The following EFS variants were observed in gnomAD, a reference collection of about 807,000 sequenced individuals.
EFS encodes Cas scaffolding protein family member 3.
A neutral mutation model predicts 42.2 loss-of-function variants in EFS; 34 were observed. The ratio of observed to expected loss-of-function variants is 0.81; its 90% CI spans 0.61 to 1.07. EFS has a LOEUF of 1.07. EFS is among the 50% of genes least tolerant of loss of function. The probability of loss-of-function intolerance (pLI) is 0.00; values close to 1 mark genes in which losing one functional copy is unlikely to be tolerated. For synonymous variants in EFS, 299 were observed against 320.7 expected, an observed-to-expected ratio of 0.93 and a Z score of 0.72; for missense variants, 717 against 729.4, an observed-to-expected ratio of 0.98 and a Z score of 0.20.
chr14:23,357,630 C>G lies in EFS; in HGVS notation c.1282G>C (p.Val428Leu). Residue 428 changes from valine (V) to leucine (L), a missense_variant, in exon 6 of 6, where the codon GTG (valine) becomes CTG (leucine). By Grantham distance (32) the Val-to-Leu change is conservative. Coordinates refer to ENST00000216733, the MANE Select transcript of EFS (RefSeq NM_005864.4). ...EALSPGEPLV[V>L]STGDLQLLYF... Reference sequence around the variant, plus strand: ...AGGAGCTGCAGATCTCCGGTGGACACAACCAGTGGCTCCCCTGGGGACAGG... The same window carrying G: ...AGGAGCTGCAGATCTCCGGTGGACAGAACCAGTGGCTCCCCTGGGGACAGG... 6.5e-7 allele frequency: 1 copy of G among 1,549,828 alleles called. No individual in the cohort carries two copies. Among genetic ancestry groups the G allele is most frequent in the South Asian group, 1.2e-5 (1 of 81,438 alleles).
chr14:23,364,948 G>A (rs964371032), intron 1 of EFS, 60 bp downstream of exon 1: 6 of 1,247,316 alleles, frequency 4.8e-6, no homozygotes, highest in African/African-American at 3.2e-5. Flanking sequence ...AAAGTGACAG[G>A]AGCGCAGGGC....
intron 1 of EFS, among the ~76,000 whole-genome samples, chr14:23,361,506 C>T (rs1890153243): frequency 6.6e-6 from 1 of 152,254 alleles, no homozygotes; most frequent in South Asian, 2.1e-4. Flanking sequence ...GCTGAGGTTA[C>T]CATGGAGAAA....
intron 1 of EFS, among the ~76,000 whole-genome samples, chr14:23,363,371 A>T (rs1595030221): frequency 2.0e-5 from 3 of 152,358 alleles, no homozygotes; most frequent in South Asian, 4.1e-4. Flanking sequence ...GAGATAACGC[A>T]TAAAGAAACT....
Position 23,360,838 on chromosome 14 carries a change from T to A in EFS, c.19-5A>T. Reference sequence around the variant, plus strand: ...CAGTGCCCGGGCCAGCTGGGTCTGGTTGGGGAGGTGGGAGTGGGGAGAAGG... The same window carrying A: ...CAGTGCCCGGGCCAGCTGGGTCTGGATGGGGAGGTGGGAGTGGGGAGAAGG... On this transcript the variant is annotated splice_polypyrimidine_tract_variant and splice_region_variant and intron_variant, in intron 1 of 5. Coordinates refer to ENST00000216733, the MANE Select transcript of EFS (RefSeq NM_005864.4). 1.2e-6 allele frequency: 2 copies of A among 1,606,800 alleles called. No individual in the cohort carries two copies. The highest frequency in any genetic ancestry group is 1.7e-5 in the Admixed American group (1 of 59,608).
At position 23,360,009 on chromosome 14, in the gene EFS, C is replaced by A; in HGVS notation, c.469G>T (p.Val157Leu). 3 of 1,605,744 alleles carry A rather than the reference C, an allele frequency of 1.9e-6. No homozygotes were observed. Among genetic ancestry groups the A allele is most frequent in the Non-Finnish European group, 2.5e-6 (3 of 1,176,582 alleles). Reference sequence around the variant, plus strand: ...CAGTCATAGGGGCCACTGGAGGGCACCCGGAGGGCGGTGGGGGGCACATCG... The same window carrying A: ...CAGTCATAGGGGCCACTGGAGGGCAACCGGAGGGCGGTGGGGGGCACATCG... ...VYDVPPTALR[V>L]PSSGPYDCPA... Residue 157 changes from valine to leucine, a missense_variant, in exon 4 of 6, where the codon GTG becomes TTG. By Grantham distance (32) the Val-to-Leu change is conservative. Transcript: ENST00000216733.
chr14:23,360,302 G>A (rs1351677769), intron 2 of EFS, 21 bp from the exon 3 acceptor site: 4 of 1,596,916 alleles, frequency 2.5e-6, no homozygotes, highest in Non-Finnish European at 2.6e-6. Flanking sequence ...AAATAGATGG[G>A]GGGTCAGGAG....
chr14:23,359,387 T>G lies in EFS; in HGVS notation c.1091A>C (p.Asp364Ala). ...GDPEGREMEDDPAGHHNEYEG... is the reference protein window; with the variant it reads ...GDPEGREMEDAPAGHHNEYEG... ...GTACTCATTGTGGTGTCCTGCTGGG[T>G]CATCCTCCATCTCCCTGCCCTCTGG... Residue 364 changes from aspartate (D) to alanine (A), a missense_variant, in exon 4 of 6, where the codon GAC becomes GCC. Transcript: ENST00000216733. 1 of 1,612,358 alleles carries G rather than the reference T, an allele frequency of 6.2e-7. No homozygotes were observed. The highest frequency in any genetic ancestry group is 8.5e-7 in the Non-Finnish European group (1 of 1,179,676).
In EFS at chr14:23,363,361, G is replaced by A. The variant is rs186218771; in HGVS notation, c.18+1647C>T. On this transcript the variant is annotated intron_variant, in intron 1 of 5. Transcript: ENST00000216733. Reference sequence around the variant, plus strand: ...CACAGGGTAGTTGTGAGAGTTGCATGAGATAACGCATAAAGAAACTATGAC... The same window carrying A: ...CACAGGGTAGTTGTGAGAGTTGCATAAGATAACGCATAAAGAAACTATGAC... Among the ~76,000 whole-genome samples the A allele has an allele frequency of 9.2e-5, 14 of 152,318 alleles. No individual in the cohort carries two copies. The East Asian group carries it at 9.6e-4, about 10-fold the overall frequency.
Position 23,357,650 on chromosome 14 carries a change from G to C in EFS, c.1262C>G (p.Ser421Cys), listed in dbSNP as rs778311789. 2.6e-6 allele frequency: 4 copies of C among 1,531,668 alleles called. No individual in the cohort carries two copies. The highest frequency in any genetic ancestry group is 3.5e-6 in the Non-Finnish European group (4 of 1,133,034). 94.9% of individuals were successfully genotyped at this position (1,531,668 alleles called of 1,614,324 possible). ...GGACACAACCAGTGGCTCCCCTGGG[G>C]ACAGGGCCTCCTGAAGGGCAAGAGG... ...RGMPAPQEAL[S>C]PGEPLVVSTG... Residue 421 changes from serine (S) to cysteine (C), a missense_variant, in exon 6 of 6, where the codon TCC (serine) becomes TGC (cysteine). Ser to Cys is a moderately radical substitution (Grantham distance 112, BLOSUM62 -1). Transcript: ENST00000216733.
intron 1 of EFS, among the ~76,000 whole-genome samples, chr14:23,361,889 G>A (rs1198049643): frequency 6.6e-6 from 1 of 152,250 alleles, no homozygotes; most frequent in Non-Finnish European, 1.5e-5. Flanking sequence ...AGGGAGGTTA[G>A]TACTTTGTCT....
intron 4 of EFS, 62 bp downstream of exon 4, chr14:23,359,255 C>T: frequency 2.5e-6 from 4 of 1,608,966 alleles, no homozygotes. Context: ...CCCTAGGTCT[C>T]CACACCCCTC....
rs1262059098 is a variant in EFS, at chr14:23,356,530, T to A, written c.*696A>T. ...TCATGGGAGCAGAGAACTTGTCCAG[T>A]GAATAGTTGTTGAAGAAAGGAGTAA... On this transcript the variant is annotated 3_prime_UTR_variant, in exon 6 of 6. Coordinates refer to ENST00000216733, the MANE Select transcript of EFS (RefSeq NM_005864.4). The A allele has an allele frequency of 6.6e-6, 1 of 152,202 alleles. No homozygotes were observed. The highest frequency in any genetic ancestry group is 6.5e-5 in the Admixed American group (1 of 15,278). 9.4% of individuals were successfully genotyped at this position (152,202 alleles called of 1,614,324 possible).
chr14:23,362,092 G>A (rs566841239), intron 1 of EFS, among the ~76,000 whole-genome samples: 1 of 152,224 alleles, frequency 6.6e-6, no homozygotes, highest in South Asian at 2.1e-4. Flanking sequence ...GCATAGGAAA[G>A]CCTTCTTATA....
rs148380919 is a variant in EFS, at chr14:23,360,501, T to C, written c.297+54A>G. 3.8e-4 allele frequency: 572 copies of C among 1,516,586 alleles called. 1 individual carries two copies. The African/African-American group carries it at 7.1e-3, about 19-fold the overall frequency. 93.9% of individuals were successfully genotyped at this position (1,516,586 alleles called of 1,614,324 possible). The stretch of plus-strand genomic sequence containing the variant: ...TGCTGCAGGCCCTGGGTGGGGCTAG[T>C]TGGGGAGGAATGGGGCTCTTCTGGC... On this transcript the variant is annotated intron_variant, in intron 2 of 5. Coordinates refer to ENST00000216733, the MANE Select transcript of EFS (RefSeq NM_005864.4).
In EFS at chr14:23,359,331, A is replaced by G. The variant is rs751526408; in HGVS notation, c.1147T>C (p.Tyr383His). Residue 383 changes from tyrosine (Y) to histidine (H), a missense_variant, in exon 4 of 6, where the codon TAT (tyrosine) becomes CAT (histidine). Transcript: ENST00000216733. ...EGIPMAEEYD[Y>H]VHLKGMDKAQ... is the part of the protein sequence containing the mutation. ...GGGGCGCTCACCTTCAGGTGGACAT[A>G]GTCATACTCCTCGGCCATCGGAATG... 1.2e-6 allele frequency: 2 copies of G among 1,612,878 alleles called. No homozygotes were observed. The highest frequency in any genetic ancestry group is 1.7e-6 in the Non-Finnish European group (2 of 1,179,956).
rs770965915 is a variant in EFS, at chr14:23,360,294, A to C, written c.298-13T>G. 6.2e-7 allele frequency: 1 copy of C among 1,602,958 alleles called. No homozygotes were observed. The highest frequency in any genetic ancestry group is 8.5e-7 in the Non-Finnish European group (1 of 1,174,704). ...GCACCACATACACCTGAGGGATCAA[A>C]TAGATGGGGGGTCAGGAGGAACGGA... On this transcript the variant is annotated splice_polypyrimidine_tract_variant and intron_variant, in intron 2 of 5. Coordinates refer to ENST00000216733, the MANE Select transcript of EFS (RefSeq NM_005864.4).
At chr14:23,364,454 T>C (rs915882283) in intron 1 of EFS, among the ~76,000 whole-genome samples, 2 of 152,192 alleles carry the variant, frequency 1.3e-5, no homozygotes, top group Non-Finnish European at 2.9e-5. Flanking sequence ...TCCCGATCCC[T>C]GGAAAGTGGC....
At chr14:23,359,029 C>T in intron 4 of EFS, 64 bp from the exon 5 acceptor site, 2 of 1,422,176 alleles carry the variant, frequency 1.4e-6, no homozygotes, top group Non-Finnish European at 1.9e-6. Flanking sequence ...CCTCTGTGGC[C>T]TTTCTGCCCC....
At chr14:23,358,372 A>G (rs116490711) in intron 5 of EFS, among the ~76,000 whole-genome samples, 2,843 of 152,360 alleles carry the variant, frequency 0.019, 72 homozygotes, top group South Asian at 0.087. Context: ...TGCCTAGCAC[A>G]GGGTCTGGCA....
Sources: allele counts gnomAD v4.1 joint callset (sites outside exome capture counted in the v4.1 genomes callset), GRCh38; gene constraint gnomAD v4.1.1; transcripts MANE v1.5; gene names NCBI Gene and HGNC (gene_info 2026-07-23, HGNC 2026-07-21).